SORCS3: variants seen among roughly 807,000 people sequenced by gnomAD.
SORCS3 encodes sortilin related VPS10 domain containing receptor 3, also known as VPS10 domain-containing receptor SorCS3.
SORCS3 carries 57 observed loss-of-function variants against 146.3 expected under a neutral mutation model. That is an observed-to-expected ratio of 0.39 (90% CI 0.31 to 0.49). The LOEUF (loss-of-function observed/expected upper bound fraction) is 0.49, where lower values mean the gene tolerates loss of function less well. Among genes scored for constraint, SORCS3 ranks in the 20% least tolerant of loss-of-function variants. SORCS3 has a pLI of 0.92. For missense variants in SORCS3, 1,341 were observed against 1,575.5 expected, an observed-to-expected ratio of 0.85 and a Z score of 2.52; for synonymous variants, 653 against 618.5, an observed-to-expected ratio of 1.06 and a Z score of -0.83.
chr10:105,118,584 C>G (rs1225332720), intron 7 of SORCS3, among the ~76,000 whole-genome samples: 1 of 152,050 alleles, frequency 6.6e-6, no homozygotes, highest in East Asian at 1.9e-4. Flanking sequence ...AGAAAGAAGA[C>G]GTGGAAAAGT....
At chr10:105,055,001 G>A (rs1298391113) in intron 5 of SORCS3, among the ~76,000 whole-genome samples, 2 of 151,962 alleles carry the variant, frequency 1.3e-5, no homozygotes, top group African/African-American at 2.4e-5. Context: ...GATTAGAATC[G>A]CAGCCAAGCT....
chr10:105,127,216 GA>G (rs138719716), intron 7 of SORCS3, among the ~76,000 whole-genome samples: 2,017 of 152,200 alleles, frequency 0.013, 19 homozygotes, highest in Non-Finnish European at 0.021. Flanking sequence ...TTTCCTGCAG[GA>G]AAGCAAGCTC....
intron 12 of SORCS3, among the ~76,000 whole-genome samples, chr10:105,165,393 G>A (rs997510771): frequency 6.6e-6 from 1 of 152,154 alleles, no homozygotes; most frequent in African/African-American, 2.4e-5. Context: ...GAAGACAAGA[G>A]AAAGACAATG....
intron 20 of SORCS3, among the ~76,000 whole-genome samples, chr10:105,232,344 T>C (rs540285488): frequency 3.3e-5 from 5 of 152,266 alleles, no homozygotes; most frequent in Non-Finnish European, 7.4e-5. Flanking sequence ...TTTATCATAC[T>C]CTTTTGTCAC....
rs571185965 is a variant in SORCS3 at position 104,784,787 on chromosome 10, T to C, written c.628-58005T>C. Among the ~76,000 whole-genome samples, 6 of 152,374 alleles carry C rather than the reference T, an allele frequency of 3.9e-5. No individual in the cohort carries two copies. In the South Asian group the frequency reaches 1.0e-3, roughly 26 times the overall value. ...AGGAGGAACCTGTTTTCCTAGCTTG[T>C]AGATTGGGCCTTATTTCTTTCTTTA... On this transcript the variant is annotated intron_variant, in intron 1 of 26. Transcript: ENST00000369701.
intron 1 of SORCS3, among the ~76,000 whole-genome samples, chr10:104,745,630 A>G (rs1407731436): frequency 1.3e-5 from 2 of 152,190 alleles, no homozygotes; most frequent in Non-Finnish European, 2.9e-5. Flanking sequence ...TTAAGTATAT[A>G]ATAGAGAATT....
chr10:104,897,392 C>T lies in SORCS3; in HGVS notation c.696-18441C>T, dbSNP rs149596656. ...TAAAGACAGACTTTTGGGCACTGGA[C>T]AGATTGTTGCGGAACATTTACGAGA... On this transcript the variant is annotated intron_variant, in intron 2 of 26. Coordinates refer to ENST00000369701, the MANE Select transcript of SORCS3 (RefSeq NM_014978.3). Among the ~76,000 whole-genome samples the T allele has an allele frequency of 2.9e-3, 442 of 152,302 alleles. 2 individuals carry two copies. The highest frequency in any genetic ancestry group is 0.018 in the South Asian group (88 of 4,828).
rs534988575 is a variant in SORCS3, at chr10:104,822,971, G to C, written c.628-19821G>C. 2.0e-3 allele frequency among the ~76,000 whole-genome samples: 307 copies of C among 152,300 alleles called. 1 individual carries two copies. The highest frequency in any genetic ancestry group is 3.7e-3 in the Non-Finnish European group (252 of 68,020). On this transcript the variant is annotated intron_variant, in intron 1 of 26. Transcript: ENST00000369701. ...CATTCTGGGCTAGGACCTAGACCAA[G>C]GCCAACTCAGGAAGTACATGCATTC...
intron 14 of SORCS3, among the ~76,000 whole-genome samples, chr10:105,187,407 C>T (rs1230051180): frequency 1.3e-5 from 2 of 152,194 alleles, no homozygotes; most frequent in South Asian, 2.1e-4. Context: ...CCACTGACCT[C>T]CTTTACCACT....
intron 4 of SORCS3, among the ~76,000 whole-genome samples, chr10:104,994,652 A>G (rs1156864212): frequency 6.6e-6 from 1 of 152,172 alleles, no homozygotes; most frequent in Non-Finnish European, 1.5e-5. Flanking sequence ...TACTCTTTAT[A>G]TCACTAGAGA....
chr10:105,084,023 C>G (rs1397391196), intron 5 of SORCS3, among the ~76,000 whole-genome samples: 1 of 152,142 alleles, frequency 6.6e-6, no homozygotes, highest in Admixed American at 6.5e-5. Context: ...TGCTTCGTGG[C>G]TACATGTCTT....
At chr10:105,033,053 A>G (rs989223665) in intron 4 of SORCS3, among the ~76,000 whole-genome samples, 2 of 152,220 alleles carry the variant, frequency 1.3e-5, no homozygotes, top group African/African-American at 4.8e-5. Context: ...GACTGTGGAG[A>G]CAAAAGAATG....
At chr10:104,839,728 A>C (rs77007302) in intron 1 of SORCS3, among the ~76,000 whole-genome samples, 5 of 152,172 alleles carry the variant, frequency 3.3e-5, no homozygotes, top group African/African-American at 1.2e-4. Context: ...GTGTGGAAGG[A>C]TATGTGAGTC....
intron 1 of SORCS3, among the ~76,000 whole-genome samples, chr10:104,794,660 A>AGAG (rs2017533426): frequency 8.0e-6 from 1 of 124,708 alleles, no homozygotes; most frequent in Non-Finnish European, 1.7e-5. Flanking sequence ...AGAGAGAGAG[A>AGAG]ATATTATCCA....
chr10:104,779,571 G>A (rs911294654), intron 1 of SORCS3, among the ~76,000 whole-genome samples: 13 of 152,162 alleles, frequency 8.5e-5, no homozygotes, highest in African/African-American at 2.2e-4. Context: ...GAAGGCTGCC[G>A]GCCCCTGAAG....
intron 1 of SORCS3, 68 bp downstream of exon 1, chr10:104,642,022 G>GGGGGGGGGGCCCCCCCCC: frequency 5.8e-6 from 1 of 173,334 alleles, no homozygotes. Flanking sequence ...GGGTGGGTGG[G>GGGGGGGGGGCCCCCCCCC]AGCGAGGGAC....
At chr10:105,215,243 G>T (rs768213447) in intron 18 of SORCS3, among the ~76,000 whole-genome samples, 19 of 152,170 alleles carry the variant, frequency 1.2e-4, no homozygotes, top group Admixed American at 2.0e-4. Context: ...TCTGTTGTCT[G>T]CTTCTTTTAT....
intron 3 of SORCS3, among the ~76,000 whole-genome samples, chr10:104,967,972 AT>A (rs2054835758): frequency 6.6e-6 from 1 of 152,032 alleles, no homozygotes; most frequent in South Asian, 2.1e-4. Flanking sequence ...ATCCTGGGTA[AT>A]TTAAAGCTAA....
At chr10:104,930,760 C>T (rs1182388701) in intron 3 of SORCS3, among the ~76,000 whole-genome samples, 1 of 152,172 alleles carries the variant, frequency 6.6e-6, no homozygotes, top group Admixed American at 6.5e-5. Context: ...TGTTGATATC[C>T]TCACTCTACC....
Sources: allele counts gnomAD v4.1 joint callset (sites outside exome capture counted in the v4.1 genomes callset), GRCh38; gene constraint gnomAD v4.1.1; transcripts MANE v1.5; gene names NCBI Gene and HGNC (gene_info 2026-07-23, HGNC 2026-07-21).